Variants in NTPCR observed in about 807,000 individuals in gnomAD.
The protein encoded by NTPCR is nucleoside-triphosphatase, cancer-related.
Under a neutral mutation model 19.5 loss-of-function variants are expected in NTPCR, and 15 were observed. The observed-to-expected ratio is 0.77, with a 90% CI of 0.51 to 1.18. The LOEUF (loss-of-function observed/expected upper bound fraction) is 1.18, where lower values mean the gene tolerates loss of function less well. Among genes scored for constraint, NTPCR ranks in the 50% most tolerant of loss-of-function variants. NTPCR has a pLI of 0.00. For missense variants in NTPCR, 206 were observed against 240.4 expected (o/e 0.86, Z 0.95); for synonymous variants, 90 against 95.8 (o/e 0.94, Z 0.36).
At chr1:232,966,625 A>C (rs1164176718) in intron 3 of NTPCR, 1 of 152,272 alleles carries the variant, frequency 6.6e-6, no homozygotes, top group African/African-American at 2.4e-5. Context: ...AAAGCAAACT[A>C]GGTGAGTGTA....
intron 3 of NTPCR, chr1:232,962,800 T>G (rs1181603100): frequency 6.6e-6 from 1 of 152,262 alleles, no homozygotes; most frequent in Non-Finnish European, 1.5e-5. Flanking sequence ...TATTTGTTTT[T>G]GAGAGCAGGA....
At chr1:232,958,833 A>C (rs2102741639) in intron 3 of NTPCR, among the ~76,000 whole-genome samples, 1 of 152,352 alleles carries the variant, frequency 6.6e-6, no homozygotes, top group Non-Finnish European at 1.5e-5. Flanking sequence ...TTAGGAACTG[A>C]CTGGGTCAAT....
intron 3 of NTPCR, chr1:232,963,225 G>A (rs1668716651): frequency 6.6e-6 from 1 of 152,178 alleles, no homozygotes; most frequent in African/African-American, 2.4e-5. Context: ...CAGTGAATCA[G>A]CATAAGAAAA....
intron 3 of NTPCR, chr1:232,963,889 A>G (rs1204996552): frequency 6.6e-6 from 1 of 151,732 alleles, no homozygotes; most frequent in African/African-American, 2.4e-5. Context: ...GTATAAATAT[A>G]TAAGCTGGAA....
chr1:232,953,822 T>G (rs1668440713), intron 1 of NTPCR, among the ~76,000 whole-genome samples: 1 of 152,212 alleles, frequency 6.6e-6, no homozygotes, highest in Admixed American at 6.5e-5. Context: ...TGTGGTCTAT[T>G]TTCCATGCTA....
intron 3 of NTPCR, among the ~76,000 whole-genome samples, chr1:232,959,668 T>C (rs1274545776): frequency 6.6e-6 from 1 of 152,154 alleles, no homozygotes; most frequent in African/African-American, 2.4e-5. Flanking sequence ...CCAAGTAAAC[T>C]GGAAGTGTTA....
Position 232,980,631 on chromosome 1 carries a change from A to C in NTPCR, c.*2400A>C, listed in dbSNP as rs936937378. The C allele has an allele frequency of 6.6e-6, 1 of 152,268 alleles. No homozygotes were observed. Among genetic ancestry groups the C allele is most frequent in the Non-Finnish European group, 1.5e-5 (1 of 68,050 alleles). The allele number at this position is 152,268 out of a possible 1,614,324, so 9.4% of individuals were successfully genotyped here. ...GCAATCCCTGTATTGTAAGGCAATG[A>C]CATTTAATGAAGGATAAGATGAATT... On this transcript the variant is annotated 3_prime_UTR_variant, in exon 5 of 5. Coordinates refer to ENST00000366628, the MANE Select transcript of NTPCR (RefSeq NM_032324.3).
At chr1:232,951,848 T>G (rs1329422428) in intron 1 of NTPCR, among the ~76,000 whole-genome samples, 1 of 152,216 alleles carries the variant, frequency 6.6e-6, no homozygotes, top group Non-Finnish European at 1.5e-5. Context: ...TGCAAAGAAC[T>G]GTTTTCTGAA....
At chr1:232,955,806 C>T (rs1668497807) in intron 2 of NTPCR, 87 bp downstream of exon 2, 3 of 1,321,086 alleles carry the variant, frequency 2.3e-6, no homozygotes, top group African/African-American at 2.9e-5. Flanking sequence ...GAGCTAAATT[C>T]ACCAAAAGCA....
intron 3 of NTPCR, chr1:232,967,519 TG>T (rs1295921976): frequency 6.6e-6 from 1 of 152,236 alleles, no homozygotes; most frequent in Non-Finnish European, 1.5e-5. Flanking sequence ...AATTCTTTTG[TG>T]CTGAAACTTA....
intron 1 of NTPCR, among the ~76,000 whole-genome samples, chr1:232,952,937 G>C (rs974344750): frequency 9.9e-5 from 15 of 152,152 alleles, no homozygotes; most frequent in African/African-American, 3.6e-4. Context: ...CCTGCAAACA[G>C]AGCAGGCCAG....
intron 4 of NTPCR, among the ~76,000 whole-genome samples, chr1:232,974,676 A>C (rs1669077902): frequency 6.6e-6 from 1 of 152,240 alleles, no homozygotes; most frequent in African/African-American, 2.4e-5. Context: ...TATTTGGTAA[A>C]TATTGAGCAC....
At position 232,952,487 on chromosome 1, in the gene NTPCR, G is replaced by A. The variant is rs144396914; in HGVS notation, c.34+1743G>A. ...GCCTCCCAAAATACTGGGATTATAA[G>A]TGTGAGCCACCTTACCCATCTTTTT... is the stretch of plus-strand genomic sequence containing the variant. On this transcript the variant is annotated intron_variant, in intron 1 of 4. Coordinates refer to ENST00000366628, the MANE Select transcript of NTPCR (RefSeq NM_032324.3). 2.9e-4 allele frequency among the ~76,000 whole-genome samples: 44 copies of A among 151,554 alleles called. No homozygotes were observed. In the East Asian group the frequency reaches 7.8e-3, roughly 27 times the overall value.
At chr1:232,969,155 G>A (rs1668904343) in intron 3 of NTPCR, 1 of 152,274 alleles carries the variant, frequency 6.6e-6, no homozygotes, top group African/African-American at 2.4e-5. Context: ...GCTTGCTCAT[G>A]TGGTTGCTGG....
chr1:232,956,268 A>G, intron 2 of NTPCR, 79 bp from the exon 3 acceptor site: 1 of 940,160 alleles, frequency 1.1e-6, no homozygotes, highest in Non-Finnish European at 1.7e-6. Context: ...GTGGAATGCC[A>G]GAGGCTCAGT....
intron 4 of NTPCR, among the ~76,000 whole-genome samples, chr1:232,973,366 T>A (rs1398767656): frequency 1.3e-5 from 2 of 152,222 alleles, no homozygotes; most frequent in African/African-American, 4.8e-5. Flanking sequence ...CTTCCAGTTT[T>A]AGACAAGATA....
At chr1:232,954,910 G>A (rs1668471573) in intron 1 of NTPCR, among the ~76,000 whole-genome samples, 1 of 152,118 alleles carries the variant, frequency 6.6e-6, no homozygotes, top group Non-Finnish European at 1.5e-5. Flanking sequence ...GGAAGGTGTG[G>A]GGGATAAAGG....
intron 3 of NTPCR, among the ~76,000 whole-genome samples, chr1:232,961,428 C>G (rs529452853): frequency 1.3e-5 from 2 of 152,332 alleles, no homozygotes; most frequent in Admixed American, 6.5e-5. Flanking sequence ...TTATTTTCAA[C>G]ACACTGCTTT....
intron 1 of NTPCR, among the ~76,000 whole-genome samples, chr1:232,952,868 A>G (rs1239555873): frequency 1.3e-5 from 2 of 151,658 alleles, no homozygotes; most frequent in Non-Finnish European, 2.9e-5. Context: ...CCGATTTCCA[A>G]CTGTCTGTAC....
Sources: allele counts gnomAD v4.1 joint callset (sites outside exome capture counted in the v4.1 genomes callset), GRCh38; gene constraint gnomAD v4.1.1; transcripts MANE v1.5; gene names NCBI Gene and HGNC (gene_info 2026-07-23, HGNC 2026-07-21).